BLK: variants seen among roughly 807,000 people sequenced by gnomAD.
BLK encodes tyrosine-protein kinase Blk.
BLK carries 64 observed loss-of-function variants against 61.8 expected under a neutral mutation model. That is an observed-to-expected ratio of 1.03 (90% CI 0.85 to 1.27). The LOEUF is 1.27. BLK is among the 50% of genes most tolerant of loss of function. The pLI, the probability that BLK is intolerant of heterozygous loss-of-function variation, is 0.00. For synonymous variants in BLK, 351 were observed against 272.0 expected, an observed-to-expected ratio of 1.29 and a Z score of -2.86; for missense variants, 853 against 660.5, an observed-to-expected ratio of 1.29 and a Z score of -3.19.
In BLK at chr8:11,561,061, G is replaced by A. The variant is rs1002630721; in HGVS notation, c.1030-241G>A. On this transcript the variant is annotated intron_variant, in intron 10 of 12. Coordinates refer to ENST00000259089, the MANE Select transcript of BLK (RefSeq NM_001715.3). ...GGACACAGCTGTGTGGAGCGAGAAC[G>A]AGGAGGGGGAGGGGCACAGGTAGCC... 1.0e-5 allele frequency: 7 copies of A among 677,798 alleles called. No homozygotes were observed. The East Asian group carries it at 1.4e-4, about 14-fold the overall frequency. The allele number at this position is 677,798 out of a possible 1,614,324, so 42.0% of individuals were successfully genotyped here.
intron 1 of BLK, among the ~76,000 whole-genome samples, chr8:11,533,474 G>A (rs1437315608): frequency 6.6e-6 from 1 of 152,146 alleles, no homozygotes; most frequent in Non-Finnish European, 1.5e-5. Context: ...GTGACCAGAT[G>A]TGTATCTGGG....
chr8:11,515,291 C>A (rs149753613), intron 1 of BLK, among the ~76,000 whole-genome samples: 1 of 152,302 alleles, frequency 6.6e-6, no homozygotes, highest in African/African-American at 2.4e-5. Flanking sequence ...GGACCTCGAG[C>A]AAGCTTGACC....
chr8:11,512,947 G>A (rs1263188569), intron 1 of BLK, among the ~76,000 whole-genome samples: 2 of 152,210 alleles, frequency 1.3e-5, no homozygotes, highest in Admixed American at 6.5e-5. Context: ...GATTACAGGC[G>A]TGAGCCACCG....
At position 11,507,027 on chromosome 8, in the gene BLK, T is replaced by C. The variant is rs1038581426; in HGVS notation, c.-2+12436T>C. 9.2e-5 allele frequency among the ~76,000 whole-genome samples: 14 copies of C among 152,130 alleles called. No individual in the cohort carries two copies. In the East Asian group the frequency reaches 2.3e-3, roughly 25 times the overall value. Reference sequence around the variant, plus strand: ...AGGTGCGGGTAGGGAAAATAACAAATAGGAGGAAGAACAATCTCAGAAAGG... The same window carrying C: ...AGGTGCGGGTAGGGAAAATAACAAACAGGAGGAAGAACAATCTCAGAAAGG... On this transcript the variant is annotated intron_variant, in intron 1 of 12. Coordinates refer to ENST00000259089, the MANE Select transcript of BLK (RefSeq NM_001715.3).
chr8:11,545,951 C>G, intron 2 of BLK, 101 bp from the exon 3 acceptor site: 1 of 1,241,462 alleles, frequency 8.1e-7, no homozygotes, highest in Non-Finnish European at 1.2e-6. Flanking sequence ...TTCAGTAGGT[C>G]CCTGGAGATA....
chr8:11,563,790 G>C, intron 12 of BLK, 113 bp from the exon 13 acceptor site: 2 of 1,021,310 alleles, frequency 2.0e-6, no homozygotes, highest in Non-Finnish European at 1.4e-6. Flanking sequence ...GTCTGGGACT[G>C]TGGGCACTGC....
At chr8:11,542,162 A>T (rs1222808618) in intron 1 of BLK, among the ~76,000 whole-genome samples, 1 of 152,250 alleles carries the variant, frequency 6.6e-6, no homozygotes, top group Non-Finnish European at 1.5e-5. Context: ...GACGCCACTG[A>T]TAGGAAGGCT....
At chr8:11,553,289 CA>C in intron 6 of BLK, 1 of 341,212 alleles carries the variant, frequency 2.9e-6, no homozygotes, top group South Asian at 2.4e-5. Context: ...TTTCACAGCT[CA>C]AAGGCAGGCG....
Position 11,560,378 on chromosome 8 carries a change from G to T in BLK, c.1030-924G>T, listed in dbSNP as rs887391691. ...GGATGTGTTGATGGATGGATGGGTG[G>T]GTGGATGGATGGATGCATGGATGGA... On this transcript the variant is annotated intron_variant, in intron 10 of 12. Coordinates refer to ENST00000259089, the MANE Select transcript of BLK (RefSeq NM_001715.3). 6 of 211,944 alleles carry T rather than the reference G, an allele frequency of 2.8e-5. No homozygotes were observed. The Admixed American group carries it at 3.2e-4, about 11-fold the overall frequency. 13.1% of individuals were successfully genotyped at this position (211,944 alleles called of 1,614,324 possible).
chr8:11,517,262 A>T (rs1448950133), intron 1 of BLK, among the ~76,000 whole-genome samples: 1 of 152,190 alleles, frequency 6.6e-6, no homozygotes. Flanking sequence ...GCCAACAGAA[A>T]TCGGGGTTGC....
intron 1 of BLK, among the ~76,000 whole-genome samples, chr8:11,513,333 C>T (rs1023491557): frequency 5.3e-5 from 8 of 152,156 alleles, no homozygotes; most frequent in Admixed American, 2.6e-4. Context: ...CTTGGTGATT[C>T]GTGGACCATA....
At chr8:11,546,848 T>C (rs1014584560) in intron 3 of BLK, among the ~76,000 whole-genome samples, 2 of 152,232 alleles carry the variant, frequency 1.3e-5, no homozygotes, top group African/African-American at 2.4e-5. Flanking sequence ...AGTGCTGGGA[T>C]TACAGGCGTG....
chr8:11,553,971 G>C (rs1302192775), intron 6 of BLK, among the ~76,000 whole-genome samples: 2 of 152,096 alleles, frequency 1.3e-5, no homozygotes, highest in Admixed American at 6.5e-5. Context: ...GCGCGGACTC[G>C]GGGAACCGGG....
At chr8:11,558,870 G>T (rs760691890) in intron 10 of BLK, 1 of 428,218 alleles carries the variant, frequency 2.3e-6, no homozygotes, top group Non-Finnish European at 4.7e-6. Context: ...CCCACCCACC[G>T]CCCACATCAG....
intron 1 of BLK, among the ~76,000 whole-genome samples, chr8:11,498,365 T>G (rs1563415469): frequency 6.6e-6 from 1 of 152,242 alleles, no homozygotes; most frequent in Admixed American, 6.5e-5. Context: ...AGTTTCCTGG[T>G]GCTCTGAGCT....
chr8:11,501,356 T>C (rs1393692528), intron 1 of BLK, among the ~76,000 whole-genome samples: 2 of 18,138 alleles, frequency 1.1e-4, no homozygotes, highest in Non-Finnish European at 5.4e-4. Flanking sequence ...ACTCTCTCTC[T>C]TTTTTTTTTT....
intron 1 of BLK, among the ~76,000 whole-genome samples, chr8:11,536,186 G>A (rs769669667): frequency 6.6e-6 from 1 of 152,194 alleles, no homozygotes; most frequent in Non-Finnish European, 1.5e-5. Flanking sequence ...GTGAGCAAAT[G>A]TCTCCATGCT....
intron 1 of BLK, among the ~76,000 whole-genome samples, chr8:11,507,704 G>A (rs989093946): frequency 1.3e-5 from 2 of 152,280 alleles, no homozygotes; most frequent in Middle Eastern, 6.8e-3. Flanking sequence ...GGGTGCCAAA[G>A]ATCAGCCAGG....
At chr8:11,547,467 C>T (rs1243405894) in intron 3 of BLK, among the ~76,000 whole-genome samples, 1 of 152,200 alleles carries the variant, frequency 6.6e-6, no homozygotes, top group African/African-American at 2.4e-5. Flanking sequence ...CCTCTTCCTG[C>T]CTTCCATCCA....
Sources: gnomAD v4.1 joint callset for allele counts (sites outside exome capture counted in the v4.1 genomes callset) on GRCh38, gnomAD v4.1.1 for gene constraint, MANE v1.5 for transcripts, NCBI Gene and HGNC (gene_info 2026-07-23, HGNC 2026-07-21) for gene names.